The following CXADR variants were observed in gnomAD, a reference collection of about 807,000 sequenced individuals.
CXADR encodes the protein coxsackievirus and adenovirus receptor.
Under a neutral mutation model 40.3 loss-of-function variants are expected in CXADR, and 20 were observed. That is an observed-to-expected ratio of 0.50 (90% CI 0.35 to 0.72). The LOEUF is 0.72. Among genes scored for constraint, CXADR ranks in the 30% least tolerant of loss-of-function variants. CXADR has a pLI of 0.01. For synonymous variants in CXADR, 150 were observed against 161.3 expected, an observed-to-expected ratio of 0.93 and a Z score of 0.53; for missense variants, 332 against 449.1, an observed-to-expected ratio of 0.74 and a Z score of 2.36.
the CXADR span, among the ~76,000 whole-genome samples, chr21:17,632,948 TCA>T: frequency 6.6e-6 from 1 of 152,180 alleles, no homozygotes; most frequent in Admixed American, 6.5e-5. Context: ...AGGTGTATAA[TCA>T]CAGTGTTCCC....
chr21:17,566,472 C>G lies in CXADR; in HGVS notation c.*780C>G. 2 of 985,378 alleles carry G rather than the reference C, an allele frequency of 2.0e-6. No homozygotes were observed. The highest frequency in any genetic ancestry group is 2.4e-6 in the Non-Finnish European group (2 of 829,918). 61.0% of individuals were successfully genotyped at this position (985,378 alleles called of 1,614,324 possible). A position where few individuals can be genotyped will look rare whatever the true frequency, so the allele number is the denominator to read the frequency against. ...GGGATAGATTTTGTTGGTGAGTAGT[C>G]TCATGCCTTGAGATCTGTGGTGGTC... is the stretch of plus-strand genomic sequence containing the variant. On this transcript the variant is annotated 3_prime_UTR_variant, in exon 7 of 7. Transcript: ENST00000284878.
Position 17,566,060 on chromosome 21 carries a change from G to A in CXADR, c.*368G>A, listed in dbSNP as rs2061204621. The A allele has an allele frequency of 1.9e-5, 19 of 992,648 alleles. No homozygotes were observed. Among genetic ancestry groups the A allele is most frequent in the Non-Finnish European group, 2.3e-5 (19 of 834,904 alleles). 61.5% of individuals were successfully genotyped at this position (992,648 alleles called of 1,614,324 possible). A position where few individuals can be genotyped will look rare whatever the true frequency, so the allele number is the denominator to read the frequency against. Reference sequence around the variant, plus strand: ...GATACTTGAATAACCATCTGAAAGTGGTACTTGATCATTTTTACCATTATT... The same window carrying A: ...GATACTTGAATAACCATCTGAAAGTAGTACTTGATCATTTTTACCATTATT... On this transcript the variant is annotated 3_prime_UTR_variant, in exon 7 of 7. Transcript: ENST00000284878.
intron 7 of CXADR, among the ~76,000 whole-genome samples, chr21:17,577,792 G>A (rs2123371289): frequency 6.6e-6 from 1 of 151,802 alleles, no homozygotes; most frequent in African/African-American, 2.4e-5. Flanking sequence ...CTGTTGAATA[G>A]CAATTCCCCA....
intron 7 of CXADR, among the ~76,000 whole-genome samples, chr21:17,592,399 ATTTTT>A: frequency 6.6e-6 from 1 of 151,670 alleles, no homozygotes; most frequent in South Asian, 2.1e-4. Flanking sequence ...TAAAATTTGT[ATTTTT>A]TTAATTTTTG....
chr21:17,584,728 G>A (rs1308345142), intron 7 of CXADR, among the ~76,000 whole-genome samples: 1 of 152,166 alleles, frequency 6.6e-6, no homozygotes. Context: ...CTACTCTGGA[G>A]GCTGAGGCAG....
chr21:17,620,666 G>A, the CXADR span, among the ~76,000 whole-genome samples: 1 of 151,902 alleles, frequency 6.6e-6, no homozygotes, highest in Non-Finnish European at 1.5e-5. Context: ...TTAAGTGAAG[G>A]GCAATAAAGC....
the CXADR span, among the ~76,000 whole-genome samples, chr21:17,615,849 G>A: frequency 4.3e-4 from 66 of 152,190 alleles, no homozygotes; most frequent in Non-Finnish European, 7.6e-4. Flanking sequence ...TGCAGAGAAT[G>A]CAACTTAGAA....
Position 17,566,614 on chromosome 21 carries a change from T to A in CXADR, c.*922T>A, listed in dbSNP as rs2061211995. On this transcript the variant is annotated 3_prime_UTR_variant, in exon 7 of 7. Coordinates refer to ENST00000284878, the MANE Select transcript of CXADR (RefSeq NM_001338.5). ...TTGTTTGACACTTATAGATTGAAAT[T>A]TCCTAATTTATTCTAAATTTTAAGT... is the stretch of plus-strand genomic sequence containing the variant. 1.2e-5 allele frequency: 12 copies of A among 983,688 alleles called. No individual in the cohort carries two copies. The highest frequency in any genetic ancestry group is 1.4e-5 in the Non-Finnish European group (12 of 828,464). The allele number at this position is 983,688 out of a possible 1,614,324, so 60.9% of individuals were successfully genotyped here.
At chr21:17,571,697 A>T (rs954103117), downstream of CXADR, among the ~76,000 whole-genome samples, 2 of 152,208 alleles carry the variant, frequency 1.3e-5, no homozygotes, top group Admixed American at 1.3e-4. Context: ...ATACTTTGTT[A>T]CTTAGATGAT....
chr21:17,519,295 G>T (rs1389235083), intron 1 of CXADR, among the ~76,000 whole-genome samples: 1 of 152,202 alleles, frequency 6.6e-6, no homozygotes, highest in East Asian at 1.9e-4. Flanking sequence ...CTAGTGTTCA[G>T]CAAGTCCTTT....
At chr21:17,588,530 CTGTT>C (rs1287638082) in intron 7 of CXADR, among the ~76,000 whole-genome samples, 3 of 152,070 alleles carry the variant, frequency 2.0e-5, no homozygotes, top group South Asian at 2.1e-4. Flanking sequence ...ATTTGGCTCT[CTGTT>C]TGTCTGTTAT....
At chr21:17,627,868 C>T in the CXADR span, among the ~76,000 whole-genome samples, 3 of 152,136 alleles carry the variant, frequency 2.0e-5, no homozygotes, top group African/African-American at 7.2e-5. Context: ...GATGTGTGAA[C>T]AAATTTAAAG....
chr21:17,629,071 C>T, the CXADR span, among the ~76,000 whole-genome samples: 2,649 of 152,252 alleles, frequency 0.017, 78 homozygotes, highest in African/African-American at 0.059. Flanking sequence ...ATCACAGTCT[C>T]TGTCTTCAAG....
chr21:17,563,335 C>A (rs1305349872), intron 6 of CXADR, among the ~76,000 whole-genome samples: 1 of 151,734 alleles, frequency 6.6e-6, no homozygotes, highest in Non-Finnish European at 1.5e-5. Context: ...TTTACTTGAA[C>A]ACTTAGAGGT....
chr21:17,563,940 CAAAAAAA>C (rs35020228), intron 6 of CXADR, among the ~76,000 whole-genome samples: 7 of 37,222 alleles, frequency 1.9e-4, no homozygotes, highest in Non-Finnish European at 3.4e-4. Context: ...GACTCTGTCT[CAAAAAAA>C]AAAAAAAAAA....
chr21:17,576,192 T>TG (rs1245368586), intron 7 of CXADR, among the ~76,000 whole-genome samples: 1 of 151,950 alleles, frequency 6.6e-6, no homozygotes, highest in East Asian at 1.9e-4. Flanking sequence ...GCAAATGCAG[T>TG]AAGTGCTTAA....
At chr21:17,602,559 T>C in the CXADR span, among the ~76,000 whole-genome samples, 6 of 152,228 alleles carry the variant, frequency 3.9e-5, no homozygotes, top group African/African-American at 1.4e-4. Flanking sequence ...AAACGATTAA[T>C]ACGTCTTTCT....
At chr21:17,609,181 A>G in the CXADR span, 1 of 1,589,382 alleles carries the variant, frequency 6.3e-7, no homozygotes, top group Non-Finnish European at 8.5e-7. Context: ...TTTTCTCAGA[A>G]AAACAAAATA....
At chr21:17,538,993 T>C (rs1386516567) in intron 1 of CXADR, among the ~76,000 whole-genome samples, 3 of 152,170 alleles carry the variant, frequency 2.0e-5, no homozygotes, top group Non-Finnish European at 4.4e-5. Flanking sequence ...TGGAATGTAT[T>C]AAAGAGGACA....
Sources: allele counts gnomAD v4.1 joint callset (sites outside exome capture counted in the v4.1 genomes callset), GRCh38; gene constraint gnomAD v4.1.1; transcripts MANE v1.5; gene names NCBI Gene and HGNC (gene_info 2026-07-23, HGNC 2026-07-21).